The following UNC79 variants were observed in gnomAD, a reference collection of about 807,000 sequenced individuals.
The protein encoded by UNC79 is unc-79 subunit of NALCN channel complex.
UNC79 carries 37 observed loss-of-function variants against 283.1 expected under a neutral mutation model. The ratio of observed to expected loss-of-function variants is 0.13; its 90% confidence interval spans 0.10 to 0.17. The LOEUF (loss-of-function observed/expected upper bound fraction) is 0.17. UNC79 is among the 10% of genes least tolerant of loss of function. UNC79 has a pLI of 1.00. For missense variants in UNC79, 2,272 were observed against 3,211.1 expected (o/e 0.71, Z 7.07); for synonymous variants, 1,107 against 1,200.2 (o/e 0.92, Z 1.61).
chr14:93,593,374 G>A (rs765871224), intron 22 of UNC79, among the ~76,000 whole-genome samples: 6 of 152,108 alleles, frequency 3.9e-5, no homozygotes, highest in Admixed American at 1.3e-4. Flanking sequence ...TCATCCTAAC[G>A]TACCTAATTT....
intron 3 of UNC79, among the ~76,000 whole-genome samples, chr14:93,477,062 TAGCACC>T (rs2057843718): frequency 6.6e-6 from 1 of 152,214 alleles, no homozygotes; most frequent in African/African-American, 2.4e-5. Flanking sequence ...CATGGTCATG[TAGCACC>T]AGCTTACGGC....
chr14:93,493,555 T>A (rs1010009407), intron 5 of UNC79, among the ~76,000 whole-genome samples: 33 of 152,244 alleles, frequency 2.2e-4, no homozygotes, highest in African/African-American at 7.5e-4. Context: ...AATAAGCAGA[T>A]CTTTCTGAAA....
intron 1 of UNC79, among the ~76,000 whole-genome samples, chr14:93,384,874 G>C (rs1485418359): frequency 6.6e-6 from 1 of 152,164 alleles, no homozygotes; most frequent in Non-Finnish European, 1.5e-5. Flanking sequence ...TAAGAAGTAG[G>C]AGTCTAGTTT....
chr14:93,706,535 G>A (rs1039273973), intron 48 of UNC79, among the ~76,000 whole-genome samples, 169 bp from the exon 52 acceptor site: 2 of 152,138 alleles, frequency 1.3e-5, no homozygotes, highest in Non-Finnish European at 2.9e-5. Flanking sequence ...TAGAAAACAC[G>A]GTGCGATCCC....
In UNC79 at chr14:93,500,417, C is replaced by T. The variant is rs1408499612; in HGVS notation, c.898+3131C>T. Among the ~76,000 whole-genome samples the T allele has an allele frequency of 2.0e-5, 3 of 152,140 alleles. No individual in the cohort carries two copies. The East Asian group carries it at 5.8e-4, about 29-fold the overall frequency. ...TGGGGAAGTAGCTCTCTTGAAACTC[C>T]CATTCTAGTAGACCATGGCATTCTG... On this transcript the variant is annotated intron_variant, in intron 7 of 48. Coordinates refer to ENST00000555664, the Ensembl canonical transcript of UNC79.
chr14:93,342,177 T>G (rs1379205363), intron 1 of UNC79, among the ~76,000 whole-genome samples: 1 of 152,226 alleles, frequency 6.6e-6, no homozygotes, highest in Non-Finnish European at 1.5e-5. Flanking sequence ...TGCAGCAAAC[T>G]TCTGCCTGGA....
At chr14:93,520,566 T>C (rs2060275088) in intron 7 of UNC79, among the ~76,000 whole-genome samples, 1 of 151,928 alleles carries the variant, frequency 6.6e-6, no homozygotes. Flanking sequence ...CTAAGTAAAA[T>C]ATATGTAAGG....
At chr14:93,434,638 T>C (rs533223181) in intron 1 of UNC79, among the ~76,000 whole-genome samples, 1 of 152,326 alleles carries the variant, frequency 6.6e-6, no homozygotes, top group Admixed American at 6.5e-5. Context: ...ATCAGACTGC[T>C]GCCTGGGTTT....
At chr14:93,666,728 A>T (rs1398018768) in intron 40 of UNC79, among the ~76,000 whole-genome samples, 1 of 152,224 alleles carries the variant, frequency 6.6e-6, no homozygotes, top group Non-Finnish European at 1.5e-5. Flanking sequence ...TTCAAACAAT[A>T]ACAGTGAGCA....
intron 48 of UNC79, among the ~76,000 whole-genome samples, 185 bp downstream of exon 51, chr14:93,704,851 C>T (rs1566951321): frequency 6.6e-6 from 1 of 152,134 alleles, no homozygotes; most frequent in Non-Finnish European, 1.5e-5. Context: ...GGGGTGGCAG[C>T]AGGAACCATT....
intron 1 of UNC79, among the ~76,000 whole-genome samples, chr14:93,441,739 C>T (rs1390032803): frequency 1.3e-5 from 2 of 152,128 alleles, no homozygotes; most frequent in East Asian, 1.9e-4. Flanking sequence ...TCCATATGCC[C>T]TCCATGCCTC....
At chr14:93,347,129 G>T in intron 1 of UNC79, 5 of 911,616 alleles carry the variant, frequency 5.5e-6, no homozygotes, top group Non-Finnish European at 8.0e-6. Context: ...GAAGGGGTGG[G>T]GTAGGGGGCG....
chr14:93,630,737 G>T (rs2067963192), intron 30 of UNC79, 64 bp from the exon 33 acceptor site: 2 of 1,305,548 alleles, frequency 1.5e-6, no homozygotes, highest in Non-Finnish European at 2.2e-6. Context: ...AAAAGATATA[G>T]AAAAGGTTCT....
At chr14:93,419,487 A>G (rs2055543103) in intron 1 of UNC79, among the ~76,000 whole-genome samples, 1 of 151,672 alleles carries the variant, frequency 6.6e-6, no homozygotes, top group Admixed American at 6.6e-5. Flanking sequence ...TCTTAATTAG[A>G]AAGACTAAAT....
intron 47 of UNC79, among the ~76,000 whole-genome samples, chr14:93,696,513 A>G (rs2075140570): frequency 1.3e-5 from 2 of 152,182 alleles, no homozygotes; most frequent in Non-Finnish European, 2.9e-5. Context: ...AATTATTCTA[A>G]GAGTTGTGTA....
rs1361497400 is a variant in UNC79, at chr14:93,559,217, C to T, written c.1756-12677C>T. 2.6e-5 allele frequency among the ~76,000 whole-genome samples: 4 copies of T among 152,302 alleles called. No individual in the cohort carries two copies. In the East Asian group the frequency reaches 7.7e-4, roughly 29 times the overall value. On this transcript the variant is annotated intron_variant, in intron 14 of 48. Transcript: ENST00000555664. ...AGAAATTGGCAGTGAGGTGCAGAAA[C>T]AGCTGGATTGGTTACAGGTTGGCGC...
chr14:93,462,123 A>G (rs2056982837), intron 1 of UNC79, among the ~76,000 whole-genome samples: 4 of 152,188 alleles, frequency 2.6e-5, no homozygotes, highest in African/African-American at 9.7e-5. Flanking sequence ...CCTGGCCAAC[A>G]TGGTGAAACC....
chr14:93,666,853 A>T (rs1338646281), intron 40 of UNC79, among the ~76,000 whole-genome samples: 1 of 152,046 alleles, frequency 6.6e-6, no homozygotes, highest in Non-Finnish European at 1.5e-5. Context: ...TTAATTAAAG[A>T]AAGGAAGCAG....
At chr14:93,643,923 A>G (rs1055791718) in intron 34 of UNC79, among the ~76,000 whole-genome samples, 6 of 152,236 alleles carry the variant, frequency 3.9e-5, no homozygotes, top group Non-Finnish European at 7.3e-5. Flanking sequence ...GCTAGGGGCA[A>G]CTGCACTAAG....
Sources: allele counts gnomAD v4.1 joint callset (sites outside exome capture counted in the v4.1 genomes callset), GRCh38; gene constraint gnomAD v4.1.1; transcripts MANE v1.5; gene names NCBI Gene and HGNC (gene_info 2026-07-23, HGNC 2026-07-21).